The following PLEKHG1 variants were observed in gnomAD, a reference collection of about 807,000 sequenced individuals.
The protein encoded by PLEKHG1 is pleckstrin homology domain-containing family G member 1.
PLEKHG1 carries 44 observed loss-of-function variants against 100.8 expected under a neutral mutation model. The ratio of observed to expected loss-of-function variants is 0.44; its 90% CI spans 0.34 to 0.56. The LOEUF (loss-of-function observed/expected upper bound fraction) is 0.56. Ranked by LOEUF, PLEKHG1 falls within the 20% of genes least tolerant of loss-of-function variation. The probability of loss-of-function intolerance (pLI) is 0.01; values close to 1 mark genes in which losing one functional copy is unlikely to be tolerated. For synonymous variants in PLEKHG1, 640 were observed against 662.5 expected (o/e 0.97, Z 0.52); for missense variants, 1,545 against 1,720.9 (o/e 0.90, Z 1.81).
At chr6:150,836,292 C>T (rs902968233) in intron 15 of PLEKHG1, among the ~76,000 whole-genome samples, 10 of 152,054 alleles carry the variant, frequency 6.6e-5, no homozygotes, top group Admixed American at 5.9e-4. Context: ...GCAGCAGAAT[C>T]GCTTGAACCT....
chr6:150,733,507 A>T, intron 1 of PLEKHG1, 77 bp from the exon 3 acceptor site: 1 of 1,267,086 alleles, frequency 7.9e-7, no homozygotes, highest in Non-Finnish European at 1.1e-6. Flanking sequence ...TATTTGAGCT[A>T]GGTTTTTACT....
chr6:150,735,581 T>C (rs1195556764), intron 2 of PLEKHG1, among the ~76,000 whole-genome samples: 1 of 152,200 alleles, frequency 6.6e-6, no homozygotes, highest in Non-Finnish European at 1.5e-5. Context: ...CAATTGATGG[T>C]CAACCGAAAC....
chr6:150,617,251 A>G (rs771117183), intron 1 of PLEKHG1, among the ~76,000 whole-genome samples: 20 of 152,210 alleles, frequency 1.3e-4, no homozygotes, highest in Non-Finnish European at 2.8e-4. Flanking sequence ...AAGAATAACA[A>G]TCACTTTAAT....
At chr6:150,672,404 C>T (rs1270493149) in intron 3 of PLEKHG1, among the ~76,000 whole-genome samples, 1 of 152,128 alleles carries the variant, frequency 6.6e-6, no homozygotes, top group African/African-American at 2.4e-5. Flanking sequence ...CCGTTAAGTT[C>T]CCAGGGGAAG....
chr6:150,664,774 C>T (rs940933912), intron 3 of PLEKHG1, among the ~76,000 whole-genome samples: 3 of 152,194 alleles, frequency 2.0e-5, no homozygotes, highest in Non-Finnish European at 4.4e-5. Context: ...CCTGGGCCAA[C>T]TGGGGCTTTG....
chr6:150,818,859 T>C (rs1223193267), intron 11 of PLEKHG1, among the ~76,000 whole-genome samples: 7 of 152,232 alleles, frequency 4.6e-5, no homozygotes, highest in Admixed American at 2.6e-4. Flanking sequence ...CTACTTTACT[T>C]AACCCTTTCA....
chr6:150,643,725 C>A (rs983119623), intron 2 of PLEKHG1, among the ~76,000 whole-genome samples: 1 of 152,126 alleles, frequency 6.6e-6, no homozygotes, highest in Admixed American at 6.5e-5. Flanking sequence ...CTCATGCCTG[C>A]GTAATGCCCG....
chr6:150,768,838 C>T (rs1784574530), intron 3 of PLEKHG1, 100 bp downstream of exon 4: 1 of 699,770 alleles, frequency 1.4e-6, no homozygotes, highest in African/African-American at 1.8e-5. Flanking sequence ...CCTGACTCAG[C>T]TTCATATATT....
intron 3 of PLEKHG1, among the ~76,000 whole-genome samples, chr6:150,712,672 T>C (rs145357184): frequency 6.6e-6 from 1 of 152,240 alleles, no homozygotes; most frequent in African/African-American, 2.4e-5. Flanking sequence ...AGTTACTTCA[T>C]GTACCTCTGT....
At chr6:150,836,570 A>G (rs1777230156) in intron 15 of PLEKHG1, among the ~76,000 whole-genome samples, 1 of 151,710 alleles carries the variant, frequency 6.6e-6, no homozygotes, top group Non-Finnish European at 1.5e-5. Context: ...TAATCCTAGC[A>G]CTTTGAGAGG....
chr6:150,643,321 G>A (rs1437933806), intron 2 of PLEKHG1, among the ~76,000 whole-genome samples: 1 of 152,168 alleles, frequency 6.6e-6, no homozygotes, highest in African/African-American at 2.4e-5. Context: ...AACTTACCAT[G>A]AAATCTAGCC....
intron 1 of PLEKHG1, among the ~76,000 whole-genome samples, chr6:150,631,995 C>T (rs1777772305): frequency 6.6e-6 from 1 of 152,194 alleles, no homozygotes; most frequent in African/African-American, 2.4e-5. Flanking sequence ...GGCTTTCTGG[C>T]CTTCTGAGAG....
At chr6:150,737,889 G>A (rs1366120631) in intron 2 of PLEKHG1, among the ~76,000 whole-genome samples, 1 of 151,168 alleles carries the variant, frequency 6.6e-6, no homozygotes, top group Admixed American at 6.6e-5. Flanking sequence ...CTGCAGCCTC[G>A]ACCTCCTGGG....
At chr6:150,730,065 T>C (rs1782163868) in intron 1 of PLEKHG1, among the ~76,000 whole-genome samples, 1 of 152,144 alleles carries the variant, frequency 6.6e-6, no homozygotes, top group African/African-American at 2.4e-5. Context: ...GATAAGAAAA[T>C]AATGTGTCTC....
chr6:150,634,926 G>C (rs1777928084), intron 1 of PLEKHG1, among the ~76,000 whole-genome samples: 2 of 152,228 alleles, frequency 1.3e-5, no homozygotes, highest in Admixed American at 6.5e-5. Flanking sequence ...CTTCCAAGAA[G>C]AGTTGGGAGC....
At position 150,740,777 on chromosome 6, in the gene PLEKHG1, C is replaced by T. The variant is rs779032154; in HGVS notation, c.411+6685C>T. ...TTTCCTCCAAGGGATTTTATCGTAACGGGTGAATGAGATCTTTCTTAAAAC... is the reference window on the plus strand; with the variant it reads ...TTTCCTCCAAGGGATTTTATCGTAATGGGTGAATGAGATCTTTCTTAAAAC... On this transcript the variant is annotated intron_variant, in intron 2 of 15. Transcript: ENST00000358517. 6.6e-5 allele frequency among the ~76,000 whole-genome samples: 10 copies of T among 152,054 alleles called. No individual in the cohort carries two copies. In the East Asian group the frequency reaches 7.7e-4, roughly 12 times the overall value.
At chr6:150,807,767 G>C (rs1271041071) in intron 7 of PLEKHG1, among the ~76,000 whole-genome samples, 1 of 152,094 alleles carries the variant, frequency 6.6e-6, no homozygotes, top group Non-Finnish European at 1.5e-5. Flanking sequence ...TTGGGAGTTT[G>C]AGACCAGCCT....
At chr6:150,812,462 G>A (rs1352031565) in intron 10 of PLEKHG1, among the ~76,000 whole-genome samples, 7 of 152,146 alleles carry the variant, frequency 4.6e-5, no homozygotes, top group Non-Finnish European at 1.0e-4. Flanking sequence ...TCTCAGAGAT[G>A]GGGGAGACAC....
At chr6:150,668,527 C>A (rs1582915827) in intron 3 of PLEKHG1, among the ~76,000 whole-genome samples, 1 of 152,228 alleles carries the variant, frequency 6.6e-6, no homozygotes, top group East Asian at 1.9e-4. Context: ...TGAGACAATT[C>A]CTGAGTGCTC....
Sources: allele counts gnomAD v4.1 joint callset (sites outside exome capture counted in the v4.1 genomes callset), GRCh38; gene constraint gnomAD v4.1.1; transcripts MANE v1.5; gene names NCBI Gene and HGNC (gene_info 2026-07-23, HGNC 2026-07-21).